The following BCO1 variants were observed in gnomAD, a reference collection of about 807,000 sequenced individuals.
The protein encoded by BCO1 is beta,beta-carotene 15,15'-dioxygenase.
Under a neutral mutation model 56.3 loss-of-function variants are expected in BCO1, and 54 were observed. The ratio of observed to expected loss-of-function variants is 0.96; its 90% CI spans 0.77 to 1.20. BCO1 has a LOEUF of 1.20. Ranked by LOEUF, BCO1 falls within the 50% of genes most tolerant of loss-of-function variation. The pLI, the probability that BCO1 is intolerant of heterozygous loss-of-function variation, is 0.00. For synonymous variants in BCO1, 318 were observed against 266.1 expected (o/e 1.20, Z -1.90); for missense variants, 801 against 690.9 (o/e 1.16, Z -1.79).
intron 2 of BCO1, among the ~76,000 whole-genome samples, chr16:81,253,024 G>C (rs908375896): frequency 2.0e-5 from 3 of 152,214 alleles, no homozygotes; most frequent in South Asian, 4.1e-4. Context: ...CAGGAGAACT[G>C]CTTGAACCCA....
rs145880798 is a variant in BCO1, at chr16:81,261,796, T to C, written c.324-340T>C. The stretch of plus-strand genomic sequence containing the variant: ...TCGCTCTTTCGCCCAGGCTGGAGTG[T>C]AGTGGCGCCATCTCGGTTCACTGCA... On this transcript the variant is annotated intron_variant, in intron 3 of 10. Transcript: ENST00000258168. 7.1e-4 allele frequency: 238 copies of C among 335,662 alleles called. 1 individual carries two copies. The highest frequency in any genetic ancestry group is 4.3e-3 in the Middle Eastern group (4 of 938). 20.8% of individuals were successfully genotyped at this position (335,662 alleles called of 1,614,324 possible). A position where few individuals can be genotyped will look rare whatever the true frequency, so the allele number is the denominator to read the frequency against.
At chr16:81,272,008 A>G (rs1365767044) in intron 7 of BCO1, among the ~76,000 whole-genome samples, 2 of 151,930 alleles carry the variant, frequency 1.3e-5, no homozygotes, top group African/African-American at 2.4e-5. Flanking sequence ...ACGTCTCCCA[A>G]AGTGCTGGGG....
chr16:81,262,138 C>A lies in BCO1; in HGVS notation c.326C>A (p.Ala109Asp), dbSNP rs199710262. Residue 109 changes from alanine to aspartate, a missense_variant and splice_region_variant, in exon 4 of 11, where the codon GCT (alanine) becomes GAT (aspartate). Ala to Asp is a moderately radical substitution (Grantham distance 126, BLOSUM62 -2). Coordinates refer to ENST00000258168, the MANE Select transcript of BCO1 (RefSeq NM_017429.3). The stretch of plus-strand genomic sequence containing the variant: ...TGTTGATTTGCTTTTCTCCCCAGAG[C>A]TTTCTCCTACTTGTCTCACACCATC... ...PDPCKNIFSKAFSYLSHTIPD... is the reference protein window; with the variant it reads ...PDPCKNIFSKDFSYLSHTIPD... The A allele has an allele frequency of 1.2e-6, 2 of 1,613,670 alleles. No homozygotes were observed. The highest frequency in any genetic ancestry group is 2.2e-5 in the East Asian group (1 of 44,882).
chr16:81,244,518 C>A (rs1369243186), intron 1 of BCO1, among the ~76,000 whole-genome samples: 1 of 151,994 alleles, frequency 6.6e-6, no homozygotes. Context: ...ATTTCAAGTG[C>A]TGATAGCTAC....
chr16:81,280,879 T>C lies in BCO1; in HGVS notation c.1124T>C (p.Leu375Ser). The C allele has an allele frequency of 6.2e-7, 1 of 1,613,982 alleles. No homozygotes were observed. The highest frequency in any genetic ancestry group is 8.5e-7 in the Non-Finnish European group (1 of 1,179,854). ...CAGAATGCAGAAGTGGGCACAAATT[T>C]AATCAAAGTGGCATCTACAACAGCC... ...VDKNAEVGTNLIKVASTTATA... is the reference protein window; with the variant it reads ...VDKNAEVGTNSIKVASTTATA... The change falls in exon 8 of 11, where the codon TTA (leucine) becomes TCA (serine). Residue 375 changes from leucine to serine, a missense_variant. Physicochemically the swap from Leu to Ser is moderately radical, Grantham distance 145. Transcript: ENST00000258168.
Position 81,238,889 on chromosome 16 carries a change from C to A in BCO1, c.-20C>A, listed in dbSNP as rs1480840828. On this transcript the variant is annotated 5_prime_UTR_variant, in exon 1 of 11. Transcript: ENST00000258168. ...GCACCTGTTTGCTGTTAAAATCGAT[C>A]TCCCTCGGCACCCTGAGCAATGGAT... is the stretch of plus-strand genomic sequence containing the variant. 6.2e-7 allele frequency: 1 copy of A among 1,613,068 alleles called. No homozygotes were observed. Among genetic ancestry groups the A allele is most frequent in the African/African-American group, 1.3e-5 (1 of 74,886 alleles).
chr16:81,245,554 C>A lies in BCO1; in HGVS notation c.144C>A (p.Asn48Lys), dbSNP rs1367983747. 1 of 1,614,112 alleles carries A rather than the reference C, an allele frequency of 6.2e-7. No individual in the cohort carries two copies. Among genetic ancestry groups the A allele is most frequent in the African/African-American group, 1.3e-5 (1 of 74,940 alleles). The change falls in exon 2 of 11, where the codon AAC becomes AAA. Residue 48 changes from asparagine (N) to lysine (K), a missense_variant. By Grantham distance (94) the Asn-to-Lys change is moderately conservative. Coordinates refer to ENST00000258168, the MANE Select transcript of BCO1 (RefSeq NM_017429.3). ...GMHTVGESRY[N>K]HWFDGLALLH... The stretch of plus-strand genomic sequence containing the variant: ...ACACAGTTGGGGAGTCCAGATACAA[C>A]CATTGGTTCGACGGCCTTGCCCTGC...
At position 81,270,408 on chromosome 16, in the gene BCO1, G is replaced by A. The variant is rs376838072; in HGVS notation, c.1093G>A (p.Val365Met). 1.8e-5 allele frequency: 29 copies of A among 1,613,820 alleles called. No individual in the cohort carries two copies. Among genetic ancestry groups the A allele is most frequent in the Non-Finnish European group, 1.7e-5 (20 of 1,180,012 alleles). ...CAGGAGGTTTGCCGTGCCCCTCCAC[G>A]TGGACAAGGTAATGGCTTCCAAGGA... Reference protein sequence around the residue: ...TLRRFAVPLHVDKNAEVGTNL... With the variant: ...TLRRFAVPLHMDKNAEVGTNL... Residue 365 changes from valine (V) to methionine (M), a missense_variant, in exon 7 of 11, where the codon GTG (valine) becomes ATG (methionine). Physicochemically the swap from Val to Met is conservative, Grantham distance 21. Transcript: ENST00000258168.
chr16:81,286,785 T>G (rs1200167220), intron 9 of BCO1, among the ~76,000 whole-genome samples: 1 of 151,836 alleles, frequency 6.6e-6, no homozygotes, highest in African/African-American at 2.4e-5. Flanking sequence ...TGTTTAAAAC[T>G]GGGGGAGGAG....
Position 81,259,704 on chromosome 16 carries a change from G to C in BCO1, c.222G>C (p.Leu74=), listed in dbSNP as rs1567704541. The change falls in exon 3 of 11, where the codon CTG becomes CTC. Residue 74 remains leucine, a synonymous_variant. Coordinates refer to ENST00000258168, the MANE Select transcript of BCO1 (RefSeq NM_017429.3). The part of the protein sequence containing the change: ...DGEVYYRSKY[L]RSDTYNTNIE... ...AAGTCTATTACAGGAGCAAATACCT[G>C]AGAAGCGATACCTACAACACCAATA... 1 of 1,614,194 alleles carries C rather than the reference G, an allele frequency of 6.2e-7. No individual in the cohort carries two copies. The highest frequency in any genetic ancestry group is 1.1e-5 in the South Asian group (1 of 91,080).
chr16:81,250,977 A>T (rs1260115424), intron 2 of BCO1, among the ~76,000 whole-genome samples: 2 of 151,958 alleles, frequency 1.3e-5, no homozygotes, highest in Admixed American at 1.3e-4. Flanking sequence ...TTCCCAGGTG[A>T]CCCCGAGCCC....
intron 6 of BCO1, among the ~76,000 whole-genome samples, chr16:81,268,620 C>G (rs1378207438): frequency 2.0e-5 from 3 of 152,148 alleles, no homozygotes; most frequent in African/African-American, 7.2e-5. Flanking sequence ...CCTGAGTGCT[C>G]AAAGTATGTA....
chr16:81,287,416 TA>T lies in BCO1; in HGVS notation c.1414+12del, dbSNP rs1329513904. ...AAGGATGAGGATGACGGTAAGACTC[TA>T]AGAAGCCACGCCTAGTTGCTGCACG... On this transcript the variant is annotated intron_variant, in intron 10 of 10. Transcript: ENST00000258168. 11 of 1,608,632 alleles carry T rather than the reference TA, an allele frequency of 6.8e-6. No individual in the cohort carries two copies. The highest frequency in any genetic ancestry group is 9.4e-6 in the Non-Finnish European group (11 of 1,175,516).
intron 2 of BCO1, 72 bp downstream of exon 2, chr16:81,245,675 A>G (rs946076221): frequency 1.3e-5 from 21 of 1,595,010 alleles, no homozygotes; most frequent in African/African-American, 1.2e-4. Flanking sequence ...AAAACAGCAC[A>G]AATTTATTCT....
Position 81,280,819 on chromosome 16 carries a change from C to T in BCO1, c.1102-38C>T, listed in dbSNP as rs762688426. 21 of 1,428,594 alleles carry T rather than the reference C, an allele frequency of 1.5e-5. No homozygotes were observed. In the Middle Eastern group the frequency reaches 5.3e-4, roughly 36 times the overall value. The allele number at this position is 1,428,594 out of a possible 1,614,324, so 88.5% of individuals were successfully genotyped here. On this transcript the variant is annotated intron_variant, in intron 7 of 10. Coordinates refer to ENST00000258168, the MANE Select transcript of BCO1 (RefSeq NM_017429.3). Reference sequence around the variant, plus strand: ...AAGCAAATGTTTGCTCTGGATTACACGTTTTTATTTTACTTTTTGAAAACT... The same window carrying T: ...AAGCAAATGTTTGCTCTGGATTACATGTTTTTATTTTACTTTTTGAAAACT...
intron 4 of BCO1, chr16:81,262,568 C>T (rs1209690125): frequency 1.8e-5 from 7 of 396,588 alleles, no homozygotes; most frequent in African/African-American, 8.3e-5. Flanking sequence ...TGACCTACAC[C>T]TGTAATTCCA....
intron 2 of BCO1, among the ~76,000 whole-genome samples, chr16:81,256,636 C>T (rs752916127): frequency 1.3e-5 from 2 of 152,100 alleles, no homozygotes; most frequent in Non-Finnish European, 2.9e-5. Flanking sequence ...GCCTGTAATC[C>T]CAGCACTTTG....
chr16:81,267,581 C>A (rs868441573), intron 5 of BCO1, among the ~76,000 whole-genome samples: 1 of 152,168 alleles, frequency 6.6e-6, no homozygotes, highest in Non-Finnish European at 1.5e-5. Context: ...CCCCTACATT[C>A]CAGTCTGGGC....
At chr16:81,242,502 G>C (rs766921305) in intron 1 of BCO1, among the ~76,000 whole-genome samples, 2 of 151,964 alleles carry the variant, frequency 1.3e-5, no homozygotes, top group African/African-American at 2.4e-5. Flanking sequence ...CGCTGGCCTC[G>C]GCTGTCATTT....
Sources: allele counts gnomAD v4.1 joint callset (sites outside exome capture counted in the v4.1 genomes callset), GRCh38; gene constraint gnomAD v4.1.1; transcripts MANE v1.5; gene names NCBI Gene and HGNC (gene_info 2026-07-23, HGNC 2026-07-21).